Variants in LMAN1L observed in about 807,000 individuals in gnomAD.
The protein encoded by LMAN1L is lectin, mannose binding 1 like.
A neutral mutation model predicts 58.3 loss-of-function variants in LMAN1L; 60 were observed. That is an observed-to-expected ratio of 1.03 (90% CI 0.84 to 1.27). The LOEUF (loss-of-function observed/expected upper bound fraction) is 1.27, where lower values mean the gene tolerates loss of function less well. Ranked by LOEUF, LMAN1L falls within the 50% of genes most tolerant of loss-of-function variation. The pLI, the probability that LMAN1L is intolerant of heterozygous loss-of-function variation, is 0.00. For missense variants in LMAN1L, 629 were observed against 674.0 expected (o/e 0.93, Z 0.74); for synonymous variants, 280 against 271.6 (o/e 1.03, Z -0.31).
intron 1 of LMAN1L, among the ~76,000 whole-genome samples, chr15:74,813,743 C>T (rs1313870956): frequency 1.3e-5 from 2 of 152,190 alleles, no homozygotes; most frequent in Non-Finnish European, 2.9e-5. Context: ...GTCTGTCCAC[C>T]TGAGAGTTGG....
At chr15:74,825,051 G>A (rs2063934910) in intron 13 of LMAN1L, 1 of 160,726 alleles carries the variant, frequency 6.2e-6, no homozygotes, top group Admixed American at 6.1e-5. Flanking sequence ...TTTGCTTGGT[G>A]TGTGTTTGCT....
Position 74,819,198 on chromosome 15 carries a change from G to T in LMAN1L, c.644G>T (p.Cys215Phe). 6.2e-7 allele frequency: 1 copy of T among 1,614,160 alleles called. No homozygotes were observed. Among genetic ancestry groups the T allele is most frequent in the Non-Finnish European group, 8.5e-7 (1 of 1,179,984 alleles). The change falls in exon 6 of 14, where the codon TGT becomes TTT. Residue 215 changes from cysteine (C) to phenylalanine (F), a missense_variant. By Grantham distance (205) the Cys-to-Phe change is radical. Coordinates refer to ENST00000309664, the MANE Select transcript of LMAN1L (RefSeq NM_021819.3). ...GLTPSDPGEFCVDVGPLLLVP... is the reference protein window; with the variant it reads ...GLTPSDPGEFFVDVGPLLLVP... ...ACTCCCAGTGATCCAGGTGAGTTCT[G>T]TGTGGATGTGGGGCCCCTGCTTTTG... is the stretch of plus-strand genomic sequence containing the variant.
intron 11 of LMAN1L, 82 bp from the exon 12 acceptor site, chr15:74,823,477 G>C: frequency 6.6e-7 from 1 of 1,508,128 alleles, no homozygotes; most frequent in Non-Finnish European, 9.1e-7. Context: ...GCTGCCCTTG[G>C]GGAGATGGGA....
intron 8 of LMAN1L, 114 bp from the exon 9 acceptor site, chr15:74,820,961 A>G (rs927120928): frequency 3.7e-6 from 5 of 1,363,332 alleles, no homozygotes; most frequent in Admixed American, 5.2e-5. Flanking sequence ...AGGGTCTTGG[A>G]GGCAGCAGCC....
In LMAN1L at chr15:74,816,547, CT is replaced by C. The variant is rs751757980; in HGVS notation, c.438+14del. On this transcript the variant is annotated intron_variant, in intron 3 of 13. Transcript: ENST00000309664. ...AGAGGATACTCAGGTGCGTAGTGGT[CT>C]CCTGCCTGCCAGCCCGCCTGCCCGC... The C allele has an allele frequency of 2.5e-6, 4 of 1,574,430 alleles. No individual in the cohort carries two copies. The highest frequency in any genetic ancestry group is 3.5e-6 in the Non-Finnish European group (4 of 1,158,038).
intron 8 of LMAN1L, 147 bp from the exon 9 acceptor site, chr15:74,820,928 C>T: frequency 1.5e-6 from 2 of 1,309,162 alleles, no homozygotes; most frequent in South Asian, 1.5e-5. Flanking sequence ...CCCACCTTAC[C>T]ACTCAGACTC....
intron 1 of LMAN1L, 37 bp downstream of exon 1, chr15:74,813,066 T>A: frequency 1.3e-6 from 2 of 1,582,878 alleles, no homozygotes; most frequent in Non-Finnish European, 1.7e-6. Context: ...ATGCCCAGGG[T>A]CCCTCAAAGT....
intron 12 of LMAN1L, 161 bp downstream of exon 12, chr15:74,823,843 C>CGTGTG (rs2063928983): frequency 1.4e-6 from 1 of 734,258 alleles, no homozygotes; most frequent in African/African-American, 1.8e-5. Context: ...GTCTGTGTGT[C>CGTGTG]CGTGCATACG....
chr15:74,824,110 C>A, intron 12 of LMAN1L: 1 of 577,432 alleles, frequency 1.7e-6, no homozygotes, highest in Non-Finnish European at 3.1e-6. Flanking sequence ...TCTCTTGAAC[C>A]CTGGGCCCCT....
chr15:74,823,540 G>T lies in LMAN1L; in HGVS notation c.1200-19G>T. On this transcript the variant is annotated intron_variant, in intron 11 of 13. Coordinates refer to ENST00000309664, the MANE Select transcript of LMAN1L (RefSeq NM_021819.3). ...GAAGAGGTAATGAGTCATCTTACTT[G>T]GTTACCACCCCCGGTTAGGGATGCA... 1.2e-6 allele frequency: 2 copies of T among 1,613,216 alleles called. No individual in the cohort carries two copies. Among genetic ancestry groups the T allele is most frequent in the Non-Finnish European group, 1.7e-6 (2 of 1,179,614 alleles).
At position 74,814,320 on chromosome 15, in the gene LMAN1L, A is replaced by T. The variant is rs191935406; in HGVS notation, c.175+1291A>T. 7.3e-3 allele frequency among the ~76,000 whole-genome samples: 1,084 copies of T among 147,850 alleles called. 16 individuals are homozygous for T. In the East Asian group the frequency reaches 0.083, roughly 11 times the overall value. On this transcript the variant is annotated intron_variant, in intron 1 of 13. Transcript: ENST00000309664. ...GTGATTCTCCTGCCTCAGCCTCCTG[A>T]GTAGCTGGGATTACAGGTGTGTGCC...
chr15:74,813,051 C>A, intron 1 of LMAN1L, 22 bp downstream of exon 1: 2 of 1,597,734 alleles, frequency 1.3e-6, no homozygotes, highest in South Asian at 1.1e-5. Context: ...GGGTGGGGAC[C>A]AGCTATGCCC....
rs1161617819 is a variant in LMAN1L at position 74,816,505 on chromosome 15, T to C, written c.409T>C (p.Phe137Leu). The C allele has an allele frequency of 3.2e-6, 5 of 1,552,370 alleles. No homozygotes were observed. The highest frequency in any genetic ancestry group is 2.6e-6 in the Non-Finnish European group (3 of 1,145,354). The change falls in exon 3 of 14, where the codon TTC (phenylalanine) becomes CTC (leucine). Residue 137 changes from phenylalanine to leucine, a missense_variant. This residue lies in a region of LMAN1L where 573 missense variants were observed against 597.3 expected (regional missense o/e 0.96). Transcript: ENST00000309664. ...GLASWDGIGI[F>L]FDSPAEDTQD... is the part of the protein sequence containing the mutation. ...GGCTTCGTGGGACGGCATCGGGATC[T>C]TCTTTGACTCTCCGGCAGAGGATAC...
chr15:74,822,034 G>A (rs117318516), intron 10 of LMAN1L, 134 bp downstream of exon 10: 10,516 of 633,264 alleles, frequency 0.017, 156 homozygotes, highest in South Asian at 0.036. Context: ...GAAGGGAGAC[G>A]TATTTTGGCT....
At chr15:74,818,908 C>A in intron 5 of LMAN1L, 91 bp downstream of exon 5, 1 of 1,203,910 alleles carries the variant, frequency 8.3e-7, no homozygotes, top group Non-Finnish European at 1.2e-6. Context: ...GTGCCTGTGA[C>A]ACCACGTGAG....
chr15:74,818,839 T>C (rs1467651117), intron 5 of LMAN1L, 22 bp downstream of exon 5: 8 of 1,579,900 alleles, frequency 5.1e-6, no homozygotes, highest in Non-Finnish European at 6.9e-6. Flanking sequence ...TTCCTGCTTC[T>C]GACAGGGCTC....
chr15:74,818,560 G>A (rs2063902710), intron 4 of LMAN1L, among the ~76,000 whole-genome samples, 158 bp from the exon 5 acceptor site: 2 of 152,302 alleles, frequency 1.3e-5, no homozygotes, highest in East Asian at 1.9e-4. Flanking sequence ...CGGGCATGGT[G>A]GTGCATGCCT....
At chr15:74,820,121 C>T (rs1355345476) in intron 7 of LMAN1L, 22 bp downstream of exon 7, 1 of 1,609,504 alleles carries the variant, frequency 6.2e-7, no homozygotes, top group South Asian at 1.1e-5. Context: ...CCTGGCCTAC[C>T]TGGGAATGGC....
chr15:74,814,328 G>A (rs1268472315), intron 1 of LMAN1L, among the ~76,000 whole-genome samples: 8 of 149,772 alleles, frequency 5.3e-5, no homozygotes, highest in Non-Finnish European at 7.4e-5. Flanking sequence ...TGAGTAGCTG[G>A]GATTACAGGT....
Sources: gnomAD v4.1 joint callset for allele counts (sites outside exome capture counted in the v4.1 genomes callset) on GRCh38, gnomAD v4.1.1 for gene constraint, gnomAD v4.1.1 regional missense constraint, MANE v1.5 for transcripts, NCBI Gene and HGNC (gene_info 2026-07-23, HGNC 2026-07-21) for gene names.